Variants in PPP6C observed in about 807,000 individuals in gnomAD.
PPP6C encodes serine/threonine-protein phosphatase 6 catalytic subunit.
In PPP6C, 11 loss-of-function variants were observed where a neutral mutation model predicts 39.8. The ratio of observed to expected loss-of-function variants is 0.28; its 90% CI spans 0.17 to 0.46. PPP6C has a LOEUF of 0.46. Ranked by LOEUF, PPP6C falls within the 20% of genes least tolerant of loss-of-function variation. The pLI, the probability that PPP6C is intolerant of heterozygous loss-of-function variation, is 1.00. For synonymous variants in PPP6C, 129 were observed against 130.3 expected (o/e 0.99, Z 0.07); for missense variants, 211 against 373.9 (o/e 0.56, Z 3.59).
chr9:125,187,313 C>T (rs1204369104), intron 1 of PPP6C, among the ~76,000 whole-genome samples: 1 of 151,466 alleles, frequency 6.6e-6, no homozygotes, highest in East Asian at 1.9e-4. Flanking sequence ...GAGTCTTGCT[C>T]TGTCTCCCAG....
chr9:125,155,250 T>C (rs768851057), intron 4 of PPP6C, among the ~76,000 whole-genome samples: 4 of 151,824 alleles, frequency 2.6e-5, no homozygotes, highest in Non-Finnish European at 5.9e-5. Context: ...GTTAACACCA[T>C]GGAAGCTCTG....
At chr9:125,179,631 A>T (rs1309434295) in intron 1 of PPP6C, among the ~76,000 whole-genome samples, 3 of 146,018 alleles carry the variant, frequency 2.1e-5, no homozygotes, top group Non-Finnish European at 4.5e-5. Flanking sequence ...ATCTCTCTTC[A>T]TCCAGCTTTC....
Position 125,147,674 on chromosome 9 carries a change from C to A in PPP6C, c.*1999G>T, listed in dbSNP as rs1663397905. 1 of 152,068 alleles carries A rather than the reference C, an allele frequency of 6.6e-6. No individual in the cohort carries two copies. The highest frequency in any genetic ancestry group is 6.6e-5 in the Admixed American group (1 of 15,266). The allele number at this position is 152,068 out of a possible 1,614,324, so 9.4% of individuals were successfully genotyped here. ...CACAATGACTTAAAAATAAAAGTCA[C>A]ATTATAGGGATAACAAAAACAACTA... On this transcript the variant is annotated 3_prime_UTR_variant, in exon 7 of 7. Coordinates refer to ENST00000373547, the MANE Select transcript of PPP6C (RefSeq NM_002721.5).
intron 1 of PPP6C, among the ~76,000 whole-genome samples, chr9:125,181,023 G>A (rs1035467784): frequency 2.0e-5 from 3 of 152,148 alleles, no homozygotes; most frequent in African/African-American, 7.2e-5. Flanking sequence ...GACCCCAACT[G>A]AGGATTTAGA....
rs1829209160 is a variant in PPP6C, at chr9:125,173,015, G to A, written c.76-1835C>T. Among the ~76,000 whole-genome samples, 5 of 152,242 alleles carry A rather than the reference G, an allele frequency of 3.3e-5. No individual in the cohort carries two copies. In the South Asian group the frequency reaches 8.3e-4, roughly 25 times the overall value. ...GAGCCAGCTGGGCACGGCGGCTCTC[G>A]CCTGTAATCCCAGCATTTTGGGAGG... On this transcript the variant is annotated intron_variant, in intron 1 of 6. Coordinates refer to ENST00000373547, the MANE Select transcript of PPP6C (RefSeq NM_002721.5).
At chr9:125,152,556 C>G (rs781259335) in intron 6 of PPP6C, among the ~76,000 whole-genome samples, 1 of 152,082 alleles carries the variant, frequency 6.6e-6, no homozygotes, top group East Asian at 1.9e-4. Flanking sequence ...GTAGGCTGGG[C>G]GCGGTGGCTC....
At chr9:125,162,149 C>T (rs1046658852) in intron 2 of PPP6C, among the ~76,000 whole-genome samples, 2 of 151,010 alleles carry the variant, frequency 1.3e-5, no homozygotes, top group African/African-American at 4.9e-5. Flanking sequence ...AATTAGCTAA[C>T]AGGCCAAGCT....
intron 1 of PPP6C, 97 bp downstream of exon 1, chr9:125,189,547 G>C (rs772796402): frequency 5.1e-6 from 8 of 1,574,534 alleles, no homozygotes; most frequent in Non-Finnish European, 6.9e-6. Context: ...CCTCCACCGC[G>C]ACTGGACTGG....
At position 125,184,529 on chromosome 9, in the gene PPP6C, C is replaced by T. The variant is rs367965360; in HGVS notation, c.75+5115G>A. Among the ~76,000 whole-genome samples the T allele has an allele frequency of 9.2e-5, 14 of 151,680 alleles. 1 individual carries two copies. The South Asian group carries it at 2.9e-3, about 32-fold the overall frequency. On this transcript the variant is annotated intron_variant, in intron 1 of 6. Coordinates refer to ENST00000373547, the MANE Select transcript of PPP6C (RefSeq NM_002721.5). ...CTACAACTGCACCACTGCACTCCAC[C>T]CTGGGCAGCAGACTGAGACCCTACC...
chr9:125,187,993 C>G (rs1189083213), intron 1 of PPP6C, among the ~76,000 whole-genome samples: 2 of 151,954 alleles, frequency 1.3e-5, no homozygotes. Flanking sequence ...CACGTGTGGC[C>G]TCAAATATTA....
chr9:125,183,072 A>G (rs201961369), intron 1 of PPP6C, among the ~76,000 whole-genome samples: 1 of 152,250 alleles, frequency 6.6e-6, no homozygotes, highest in Non-Finnish European at 1.5e-5. Flanking sequence ...TAGTTATAGT[A>G]CTAAGTAATC....
intron 4 of PPP6C, among the ~76,000 whole-genome samples, chr9:125,157,680 TCTC>T (rs1434370707): frequency 1.5e-5 from 2 of 130,110 alleles, no homozygotes; most frequent in Non-Finnish European, 3.1e-5. Flanking sequence ...GGCCCAGCAT[TCTC>T]CTTTTTTTTT....
chr9:125,189,746 C>CGGCGGCGGCGGCTGT lies in PPP6C; in HGVS notation c.-43_-29dup. On this transcript the variant is annotated 5_prime_UTR_variant, in exon 1 of 7. Transcript: ENST00000373547. ...TAAGAATAACAAGCCGCGGCAACAG[C>CGGCGGCGGCGGCTGT]GGCGGCGGCGGCTGTAGCAGCGGCG... The CGGCGGCGGCGGCTGT allele has an allele frequency of 6.9e-7, 1 of 1,446,448 alleles. No individual in the cohort carries two copies. The highest frequency in any genetic ancestry group is 1.4e-5 in the South Asian group (1 of 72,676). The allele number at this position is 1,446,448 out of a possible 1,614,324, so 89.6% of individuals were successfully genotyped here.
chr9:125,174,588 A>G (rs1054522955), intron 1 of PPP6C, among the ~76,000 whole-genome samples: 23 of 152,090 alleles, frequency 1.5e-4, no homozygotes, highest in African/African-American at 5.3e-4. Context: ...GTCCTGCCAT[A>G]TAGTACATCC....
chr9:125,160,508 ATC>A (rs1433777491), intron 3 of PPP6C, among the ~76,000 whole-genome samples: 1 of 152,094 alleles, frequency 6.6e-6, no homozygotes, highest in Non-Finnish European at 1.5e-5. Flanking sequence ...GTCTCATGAG[ATC>A]TGATGGTTTT....
chr9:125,174,113 T>A (rs569087005), intron 1 of PPP6C, among the ~76,000 whole-genome samples: 26 of 152,242 alleles, frequency 1.7e-4, no homozygotes, highest in African/African-American at 5.5e-4. Flanking sequence ...CTGAGACCAG[T>A]TTGTACTATT....
intron 1 of PPP6C, among the ~76,000 whole-genome samples, chr9:125,181,633 G>A (rs1222162281): frequency 6.6e-6 from 1 of 152,106 alleles, no homozygotes; most frequent in Non-Finnish European, 1.5e-5. Flanking sequence ...ATGGTTTCCA[G>A]CTTCATCCAT....
rs10118779 is a variant in PPP6C at position 125,188,903 on chromosome 9, G to A, written c.75+741C>T. ...CATTTACTCTTACTTGGACTCAGGA[G>A]TAACAAGGAACTCACCTCCTTTAGA... On this transcript the variant is annotated intron_variant, in intron 1 of 6. Transcript: ENST00000373547. 8.8e-4 allele frequency: 1,354 copies of A among 1,545,598 alleles called. 16 individuals are homozygous for A. The African/African-American group carries it at 0.016, about 18-fold the overall frequency.
intron 2 of PPP6C, among the ~76,000 whole-genome samples, chr9:125,164,537 T>C (rs1430187456): frequency 1.3e-5 from 2 of 151,680 alleles, no homozygotes; most frequent in African/African-American, 4.8e-5. Flanking sequence ...TACTCTGTTT[T>C]TCATATTTCA....
Sources: gnomAD v4.1 joint callset for allele counts (sites outside exome capture counted in the v4.1 genomes callset) on GRCh38, gnomAD v4.1.1 for gene constraint, MANE v1.5 for transcripts, NCBI Gene and HGNC (gene_info 2026-07-23, HGNC 2026-07-21) for gene names.